Variants in TJP3 observed in about 807,000 individuals in gnomAD.
The protein encoded by TJP3 is tight junction protein ZO-3.
TJP3 carries 85 observed loss-of-function variants against 104.2 expected under a neutral mutation model. The observed-to-expected ratio is 0.82, with a 90% confidence interval of 0.68 to 0.98. The LOEUF is 0.98. Among genes scored for constraint, TJP3 ranks in the 50% least tolerant of loss-of-function variants. The pLI is 0.00. For synonymous variants in TJP3, 550 were observed against 550.6 expected (o/e 1.00, Z 0.02); for missense variants, 1,367 against 1,322.8 (o/e 1.03, Z -0.52).
intron 1 of TJP3, among the ~76,000 whole-genome samples, chr19:3,710,308 G>C (rs1019186677): frequency 1.3e-5 from 2 of 151,988 alleles, no homozygotes; most frequent in Admixed American, 6.6e-5. Flanking sequence ...TCAGCTTCCT[G>C]GTTTGTAGAG....
At chr19:3,739,239 C>A in intron 13 of TJP3, 105 bp downstream of exon 13, 2 of 1,088,424 alleles carry the variant, frequency 1.8e-6, no homozygotes, top group Non-Finnish European at 2.5e-6. Context: ...GGCCTGTAAT[C>A]CTGGCACTTT....
chr19:3,731,558 G>T (rs555774923), intron 5 of TJP3, among the ~76,000 whole-genome samples: 2 of 152,112 alleles, frequency 1.3e-5, no homozygotes, highest in Non-Finnish European at 2.9e-5. Context: ...GCTTAAACCC[G>T]GGAGGTAGAG....
intron 18 of TJP3, among the ~76,000 whole-genome samples, chr19:3,747,308 G>A (rs573423615): frequency 6.6e-6 from 1 of 152,278 alleles, no homozygotes; most frequent in African/African-American, 2.4e-5. Context: ...CGATCCACCT[G>A]CCTCAGCTTC....
At chr19:3,745,250 A>T (rs958683674) in intron 15 of TJP3, among the ~76,000 whole-genome samples, 2 of 141,148 alleles carry the variant, frequency 1.4e-5, no homozygotes, top group African/African-American at 5.4e-5. Context: ...GGTTCAAGTG[A>T]TCCTCCTGCC....
rs1599151379 is a variant in TJP3 at position 3,729,951 on chromosome 19, C to T, written c.159-77C>T. ...TGTAGATCTGGAGGTTCCAGGGGCACCCCCTCCCCAGGGAGGGCTTGTTAC... is the reference window on the plus strand; with the variant it reads ...TGTAGATCTGGAGGTTCCAGGGGCATCCCCTCCCCAGGGAGGGCTTGTTAC... On this transcript the variant is annotated intron_variant, in intron 3 of 20. Transcript: ENST00000541714. The T allele has an allele frequency of 5.9e-6, 7 of 1,182,478 alleles. No homozygotes were observed. In the South Asian group the frequency reaches 6.1e-5, roughly 10 times the overall value. The allele number at this position is 1,182,478 out of a possible 1,614,324, so 73.2% of individuals were successfully genotyped here.
chr19:3,721,711 C>G (rs1599145716), intron 1 of TJP3: 2 of 373,380 alleles, frequency 5.4e-6, no homozygotes, highest in East Asian at 7.7e-5. Flanking sequence ...TGACCCGAGA[C>G]CTGGAGGAGG....
Position 3,740,522 on chromosome 19 carries a change from G to C in TJP3, c.1632-30G>C, listed in dbSNP as rs1412295268. Reference sequence around the variant, plus strand: ...TGGGGCCACCATGCTGCTGACCCCAGTGCTCAGTACTGTCCCCTCTTCTCC... The same window carrying C: ...TGGGGCCACCATGCTGCTGACCCCACTGCTCAGTACTGTCCCCTCTTCTCC... On this transcript the variant is annotated intron_variant, in intron 13 of 20. Coordinates refer to ENST00000541714, the MANE Select transcript of TJP3 (RefSeq NM_001267560.2). 3 of 1,328,428 alleles carry C rather than the reference G, an allele frequency of 2.3e-6. No individual in the cohort carries two copies. In the Admixed American group the frequency reaches 1.1e-4, roughly 47 times the overall value. The allele number at this position is 1,328,428 out of a possible 1,614,324, so 82.3% of individuals were successfully genotyped here.
At chr19:3,727,414 C>T (rs1290745495) in intron 1 of TJP3, among the ~76,000 whole-genome samples, 4 of 144,282 alleles carry the variant, frequency 2.8e-5, no homozygotes, top group Admixed American at 7.2e-5. Flanking sequence ...ACCTGGAAGG[C>T]GGAGGTTGCA....
chr19:3,743,777 T>G, intron 14 of TJP3, 162 bp from the exon 15 acceptor site: 1 of 620,800 alleles, frequency 1.6e-6, no homozygotes, highest in South Asian at 2.1e-5. Flanking sequence ...AAGGCTAACC[T>G]AGCTGCAAAG....
Position 3,746,618 on chromosome 19 carries a change from CT to C in TJP3, c.2145del (p.Ala716ProfsTer30). The C allele has an allele frequency of 6.2e-7, 1 of 1,610,654 alleles. No individual in the cohort carries two copies. The highest frequency in any genetic ancestry group is 8.5e-7 in the Non-Finnish European group (1 of 1,179,366). ...AAGGCACTGCGCCAGTGGCTGGCGC[CT>C]GCCTCCCGCCGCAGCACCCGTCGCC... ...ALKALRQWLA[P>X]ASRRSTRRLY... On this transcript the variant is annotated frameshift_variant, in exon 17 of 21. Coordinates refer to ENST00000541714, the MANE Select transcript of TJP3 (RefSeq NM_001267560.2). LOFTEE classifies it high-confidence loss of function. This position sits in a 1 kb window ranked among gnomAD's most constrained non-coding sequence, Gnocchi z 4.1.
intron 1 of TJP3, among the ~76,000 whole-genome samples, chr19:3,723,826 T>A (rs1599147250): frequency 7.7e-6 from 1 of 130,416 alleles, no homozygotes; most frequent in South Asian, 2.5e-4. Context: ...TATATATATA[T>A]ATAAAATAAT....
chr19:3,750,207 T>TGG (rs10692689), intron 20 of TJP3, 23 bp downstream of exon 20: 847,997 of 1,613,078 alleles, frequency 0.53, 226,427 homozygotes, highest in East Asian at 0.69. Context: ...TATTCCAGAT[T>TGG]GGGGCCCTCA....
intron 18 of TJP3, among the ~76,000 whole-genome samples, chr19:3,747,077 G>T (rs1240059821): frequency 6.6e-6 from 1 of 151,980 alleles, no homozygotes; most frequent in African/African-American, 2.4e-5. Context: ...TTTGTTGTTT[G>T]ATTTGAGATG....
chr19:3,718,931 C>T (rs562728331), intron 1 of TJP3, among the ~76,000 whole-genome samples: 1 of 152,132 alleles, frequency 6.6e-6, no homozygotes, highest in South Asian at 2.1e-4. Context: ...CGCCTGTAAT[C>T]CCAACACTTT....
rs768068786 is a variant in TJP3, at chr19:3,728,421, C to T, written c.-9-3C>T. 5 of 1,614,210 alleles carry T rather than the reference C, an allele frequency of 3.1e-6. No individual in the cohort carries two copies. The South Asian group carries it at 5.5e-5, about 18-fold the overall frequency. On this transcript the variant is annotated splice_region_variant and splice_polypyrimidine_tract_variant and intron_variant, in intron 1 of 20. Transcript: ENST00000541714. ...GCCCATCTTCCCCGCTCCCCTCGAC[C>T]AGGTGGCTGACATGGAGGAGCTGAC...
chr19:3,737,506 T>A (rs1170920603), intron 11 of TJP3, among the ~76,000 whole-genome samples: 1 of 152,096 alleles, frequency 6.6e-6, no homozygotes, highest in Non-Finnish European at 1.5e-5. Context: ...CATGACAGTG[T>A]CATAACTACC....
chr19:3,746,461 C>G lies in TJP3; in HGVS notation c.2011-24C>G. 15 of 1,612,826 alleles carry G rather than the reference C, an allele frequency of 9.3e-6. No homozygotes were observed. The highest frequency in any genetic ancestry group is 1.3e-5 in the Non-Finnish European group (15 of 1,179,492). ...TTACCCTGCTGCAATCCCCCTCACC[C>G]CAACGTCCGCCGGCCTGGCCCAGGA... On this transcript the variant is annotated intron_variant, in intron 16 of 20. Transcript: ENST00000541714. This position sits in a 1 kb window ranked among gnomAD's most constrained non-coding sequence, Gnocchi z 4.1.
intron 11 of TJP3, 92 bp from the exon 12 acceptor site, chr19:3,738,463 G>A (rs1330194067): frequency 2.3e-5 from 26 of 1,125,332 alleles, no homozygotes; most frequent in Non-Finnish European, 3.4e-5. Context: ...GAAGCAGCTG[G>A]GGCTGAGTTT....
chr19:3,717,162 T>C (rs1476044044), intron 1 of TJP3, among the ~76,000 whole-genome samples: 1 of 145,994 alleles, frequency 6.8e-6, no homozygotes, highest in Non-Finnish European at 1.5e-5. Flanking sequence ...ACGAGGTTTC[T>C]CCATGTTGGT....
Sources: allele counts gnomAD v4.1 joint callset (sites outside exome capture counted in the v4.1 genomes callset), GRCh38; gene constraint gnomAD v4.1.1; non-coding constraint Gnocchi (gnomAD v3.1); transcripts MANE v1.5; gene names NCBI Gene and HGNC (gene_info 2026-07-23, HGNC 2026-07-21).